RELN: variants seen among roughly 807,000 people sequenced by gnomAD.
RELN encodes reelin.
Under a neutral mutation model 427.6 loss-of-function variants are expected in RELN, and 108 were observed. The ratio of observed to expected loss-of-function variants is 0.25; its 90% CI spans 0.22 to 0.30. The LOEUF is 0.30. Ranked by LOEUF, RELN falls within the 10% of genes least tolerant of loss-of-function variation. The pLI is 1.00. For synonymous variants in RELN, 1,524 were observed against 1,513.4 expected, an observed-to-expected ratio of 1.01 and a Z score of -0.16; for missense variants, 3,715 against 4,302.8, an observed-to-expected ratio of 0.86 and a Z score of 3.82.
Position 103,551,179 on chromosome 7 carries a change from G to A in RELN, c.6190C>T (p.His2064Tyr), listed in dbSNP as rs767258528. The change falls in exon 41 of 65, where the codon CAC (histidine) becomes TAC (tyrosine). Residue 2064 changes from histidine (H) to tyrosine (Y), a missense_variant. His to Tyr is a moderately conservative substitution (Grantham distance 83). Around this residue, in one of 4 missense-constraint regions of RELN, gnomAD observed 1,310 missense variants for 1,643.0 expected, o/e 0.80. Coordinates refer to ENST00000428762, the MANE Select transcript of RELN (RefSeq NM_005045.4). ...LLPLCYHSSS[H>Y]VSSLCSTEHH... Reference sequence around the variant, plus strand: ...TCGGTGGAGCATAAAGAGCTGACGTGGCTGCTGCTGTGGTAGCAGAGGGGC... The same window carrying A: ...TCGGTGGAGCATAAAGAGCTGACGTAGCTGCTGCTGTGGTAGCAGAGGGGC... 1.1e-4 allele frequency: 170 copies of A among 1,613,970 alleles called. No individual in the cohort carries two copies. Among genetic ancestry groups the A allele is most frequent in the Non-Finnish European group, 1.4e-4 (167 of 1,180,028 alleles).
intron 27 of RELN, among the ~76,000 whole-genome samples, chr7:103,591,879 T>C (rs919248761): frequency 1.3e-5 from 2 of 152,204 alleles, no homozygotes; most frequent in African/African-American, 4.8e-5. Context: ...CAAATATTTA[T>C]TTGTGTACCT....
At chr7:103,832,519 A>G (rs1311245547) in intron 3 of RELN, among the ~76,000 whole-genome samples, 1 of 152,194 alleles carries the variant, frequency 6.6e-6, no homozygotes, top group Admixed American at 6.5e-5. Context: ...GTAGCTAAAT[A>G]AGTGAAGGAT....
intron 1 of RELN, among the ~76,000 whole-genome samples, chr7:103,932,186 C>A (rs892773452): frequency 6.6e-6 from 1 of 152,190 alleles, no homozygotes; most frequent in Non-Finnish European, 1.5e-5. Context: ...TACATACACA[C>A]CATGGAATAC....
At chr7:103,625,679 CCT>C (rs1491501411) in intron 20 of RELN, among the ~76,000 whole-genome samples, 4 of 149,718 alleles carry the variant, frequency 2.7e-5, no homozygotes, top group African/African-American at 9.7e-5. Flanking sequence ...ATGTATCCCC[CCT>C]TTTTTTAGAA....
intron 2 of RELN, among the ~76,000 whole-genome samples, chr7:103,897,810 G>A (rs1411354051): frequency 4.6e-5 from 7 of 151,876 alleles, no homozygotes; most frequent in African/African-American, 1.2e-4. Context: ...ACTCCAATCC[G>A]TGGATCCATA....
intron 2 of RELN, among the ~76,000 whole-genome samples, chr7:103,880,244 T>C (rs1044873993): frequency 2.0e-5 from 3 of 151,976 alleles, no homozygotes; most frequent in Non-Finnish European, 4.4e-5. Context: ...ACATTCTTGG[T>C]GTAATTTATT....
intron 9 of RELN, 71 bp from the exon 10 acceptor site, chr7:103,698,164 T>C: frequency 6.3e-7 from 1 of 1,586,622 alleles, no homozygotes; most frequent in Admixed American, 1.7e-5. Context: ...ATTTTGTTTC[T>C]TAAGGTTGTA....
chr7:103,899,627 G>T (rs1302542840), intron 2 of RELN, among the ~76,000 whole-genome samples: 1 of 152,090 alleles, frequency 6.6e-6, no homozygotes, highest in African/African-American at 2.4e-5. Context: ...GGGATGCAAG[G>T]CTGGTTCAAC....
At chr7:103,513,980 G>A (rs1829493163) in intron 50 of RELN, 2 of 151,954 alleles carry the variant, frequency 1.3e-5, no homozygotes, top group African/African-American at 4.8e-5. Context: ...AAGAAAATAT[G>A]AACTAAAATT....
chr7:103,931,677 A>T (rs956136440), intron 1 of RELN, among the ~76,000 whole-genome samples: 6 of 152,232 alleles, frequency 3.9e-5, no homozygotes, highest in Admixed American at 6.5e-5. Context: ...TGTGATAGCT[A>T]TTAGAAAATC....
chr7:103,515,218 C>T lies in RELN; in HGVS notation c.8086G>A (p.Ala2696Thr), dbSNP rs115640958. 3,347 of 1,614,142 alleles carry T rather than the reference C, an allele frequency of 2.1e-3. 52 individuals carry two copies. The African/African-American group carries it at 0.04, about 19-fold the overall frequency. The change falls in exon 50 of 65, where the codon GCC (alanine) becomes ACC (threonine). Residue 2696 changes from alanine (A) to threonine (T), a missense_variant. Coordinates refer to ENST00000428762, the MANE Select transcript of RELN (RefSeq NM_005045.4). ...PADAGPVGRI[A>T]FDMFMEDKTS... is the part of the protein sequence containing the mutation. ...TTGTCTTCCATAAACATGTCAAAGG[C>T]GATCCTCCCGACAGGGCCGGCATCT...
rs1459543855 is a variant in RELN at position 103,776,778 on chromosome 7, T to C, written c.474-151A>G. The C allele has an allele frequency of 3.6e-6, 3 of 841,588 alleles. No homozygotes were observed. The African/African-American group carries it at 5.1e-5, about 14-fold the overall frequency. The allele number at this position is 841,588 out of a possible 1,614,324, so 52.1% of individuals were successfully genotyped here. ...CATCAGAAGAGTGATATAAATAACA[T>C]GGAATGAAAGCTTAAACCAAGGCAC... is the stretch of plus-strand genomic sequence containing the variant. On this transcript the variant is annotated intron_variant, in intron 3 of 64. Transcript: ENST00000428762.
At chr7:103,481,932 A>AGT (rs1219518535) in intron 63 of RELN, 1 of 152,266 alleles carries the variant, frequency 6.6e-6, no homozygotes, top group African/African-American at 2.4e-5. Context: ...ACAGGAGGCT[A>AGT]GTGTGGGGAC....
chr7:103,585,099 A>G (rs755523151), intron 28 of RELN, among the ~76,000 whole-genome samples: 3 of 152,178 alleles, frequency 2.0e-5, no homozygotes, highest in Non-Finnish European at 4.4e-5. Context: ...TGCCTATATA[A>G]AAAAGATAGA....
intron 7 of RELN, 42 bp from the exon 8 acceptor site, chr7:103,723,233 G>A: frequency 8.8e-7 from 1 of 1,141,790 alleles, no homozygotes; most frequent in Non-Finnish European, 1.3e-6. Flanking sequence ...AAGACAGAGA[G>A]GAGAAAGAGG....
intron 2 of RELN, among the ~76,000 whole-genome samples, chr7:103,872,791 G>C (rs1413459251): frequency 2.0e-5 from 3 of 149,456 alleles, no homozygotes; most frequent in South Asian, 2.3e-4. Context: ...TAGTGGTTTT[G>C]ATTTGCATTT....
chr7:103,892,332 T>A (rs1794868778), intron 2 of RELN, among the ~76,000 whole-genome samples: 1 of 152,138 alleles, frequency 6.6e-6, no homozygotes, highest in Admixed American at 6.6e-5. Flanking sequence ...AGGACAGAAA[T>A]TCTATTGTTT....
chr7:103,540,073 C>T, intron 44 of RELN, 124 bp downstream of exon 44: 1 of 1,067,682 alleles, frequency 9.4e-7, no homozygotes. Context: ...TGCCCTTGGG[C>T]AAGTCACTCA....
rs1195946018 is a variant in RELN at position 103,910,864 on chromosome 7, A to G, written c.337+6211T>C. ...TACAAAAATCAATTCAAGATGGATTAAAGATTTAAACGTTAGACCTAAAAC... is the reference window on the plus strand; with the variant it reads ...TACAAAAATCAATTCAAGATGGATTGAAGATTTAAACGTTAGACCTAAAAC... On this transcript the variant is annotated intron_variant, in intron 2 of 64. Coordinates refer to ENST00000428762, the MANE Select transcript of RELN (RefSeq NM_005045.4). Among the ~76,000 whole-genome samples, 12 of 131,654 alleles carry G rather than the reference A, an allele frequency of 9.1e-5. 2 individuals carry two copies. Among genetic ancestry groups the G allele is most frequent in the African/African-American group, 3.7e-4 (11 of 30,112 alleles). The allele number at this position is 131,654 out of a possible 152,430, so 86.4% of individuals were successfully genotyped here. A position where few individuals can be genotyped will look rare whatever the true frequency, so the allele number is the denominator to read the frequency against.
Sources: allele counts gnomAD v4.1 joint callset (sites outside exome capture counted in the v4.1 genomes callset), GRCh38; gene constraint gnomAD v4.1.1; regional missense constraint gnomAD v4.1.1; transcripts MANE v1.5; gene names NCBI Gene and HGNC (gene_info 2026-07-23, HGNC 2026-07-21).